HS3ST3B1: variants seen among roughly 807,000 people sequenced by gnomAD.
HS3ST3B1 encodes heparan sulfate glucosamine 3-O-sulfotransferase 3B1.
HS3ST3B1 carries 13 observed loss-of-function variants against 21.3 expected under a neutral mutation model. The ratio of observed to expected loss-of-function variants is 0.61; its 90% CI spans 0.40 to 0.97. The LOEUF is 0.97. Among genes scored for constraint, HS3ST3B1 ranks in the 50% least tolerant of loss-of-function variants. The pLI is 0.00. For missense variants in HS3ST3B1, 459 were observed against 554.8 expected, an observed-to-expected ratio of 0.83 and a Z score of 1.73; for synonymous variants, 234 against 254.8, an observed-to-expected ratio of 0.92 and a Z score of 0.78.
chr17:14,335,115 T>C (rs928378326), intron 1 of HS3ST3B1, among the ~76,000 whole-genome samples: 2 of 152,196 alleles, frequency 1.3e-5, no homozygotes, highest in African/African-American at 4.8e-5. Flanking sequence ...GAGAATAGTT[T>C]ATCAGAATGG....
At chr17:14,331,315 C>T (rs1055311112) in intron 1 of HS3ST3B1, among the ~76,000 whole-genome samples, 2 of 152,008 alleles carry the variant, frequency 1.3e-5, no homozygotes, top group African/African-American at 4.8e-5. Flanking sequence ...CCCCCAGCCC[C>T]TTCCAGGAAC....
At position 14,316,132 on chromosome 17, in the gene HS3ST3B1, C is replaced by T. The variant is rs116738878; in HGVS notation, c.554+14060C>T. Reference sequence around the variant, plus strand: ...CCTGTGCTCCCGCTCTCTCTCCATCCACCTTTACCCCTTGGAGCAGGCTTC... The same window carrying T: ...CCTGTGCTCCCGCTCTCTCTCCATCTACCTTTACCCCTTGGAGCAGGCTTC... On this transcript the variant is annotated intron_variant, in intron 1 of 1. Coordinates refer to ENST00000360954, the MANE Select transcript of HS3ST3B1 (RefSeq NM_006041.3). Among the ~76,000 whole-genome samples, 515 of 152,250 alleles carry T rather than the reference C, an allele frequency of 3.4e-3. 7 individuals are homozygous for T. Among genetic ancestry groups the T allele is most frequent in the African/African-American group, 0.012 (490 of 41,556 alleles).
intron 1 of HS3ST3B1, among the ~76,000 whole-genome samples, chr17:14,309,534 C>G (rs1909240639): frequency 6.6e-6 from 1 of 152,218 alleles, no homozygotes; most frequent in African/African-American, 2.4e-5. Flanking sequence ...GAACCCCGCC[C>G]AGAGAGGCGG....
intron 1 of HS3ST3B1, among the ~76,000 whole-genome samples, chr17:14,339,396 A>C (rs959705410): frequency 8.3e-4 from 126 of 152,320 alleles, no homozygotes; most frequent in African/African-American, 2.9e-3. Context: ...AAAAAAATAC[A>C]GGAATCTATT....
intron 1 of HS3ST3B1, among the ~76,000 whole-genome samples, chr17:14,318,722 T>C (rs1597591832): frequency 6.6e-6 from 1 of 152,226 alleles, no homozygotes; most frequent in Non-Finnish European, 1.5e-5. Flanking sequence ...GGTGGCTCCC[T>C]GCCCTGACTG....
Position 14,318,410 on chromosome 17 carries a change from C to A in HS3ST3B1, c.554+16338C>A, listed in dbSNP as rs564215886. Among the ~76,000 whole-genome samples the A allele has an allele frequency of 7.2e-5, 11 of 152,316 alleles. No individual in the cohort carries two copies. The East Asian group carries it at 2.1e-3, about 29-fold the overall frequency. On this transcript the variant is annotated intron_variant, in intron 1 of 1. Transcript: ENST00000360954. Reference sequence around the variant, plus strand: ...ACCAGGCAGGGTTGGGGCAAACCTTCGCCCTCTGTCTCAGAATTGCAAGCA... The same window carrying A: ...ACCAGGCAGGGTTGGGGCAAACCTTAGCCCTCTGTCTCAGAATTGCAAGCA...
At position 14,346,269 on chromosome 17, in the gene HS3ST3B1, T is replaced by TTTTG; in HGVS notation, c.*623_*624insTTTG. 7.0e-6 allele frequency: 1 copy of TTTTG among 142,846 alleles called. No individual in the cohort carries two copies. Among genetic ancestry groups the TTTTG allele is most frequent in the East Asian group, 2.3e-4 (1 of 4,320 alleles). 8.8% of individuals were successfully genotyped at this position (142,846 alleles called of 1,614,324 possible). On this transcript the variant is annotated 3_prime_UTR_variant, in exon 2 of 2. Coordinates refer to ENST00000360954, the MANE Select transcript of HS3ST3B1 (RefSeq NM_006041.3). ...TTTCTTTTTTTTTTTTTTTTTTTTT[T>TTTTG]GAGATGGAGTCTTGCTCTTGTTGCC...
chr17:14,342,748 G>C (rs1910427235), intron 1 of HS3ST3B1, among the ~76,000 whole-genome samples: 1 of 152,150 alleles, frequency 6.6e-6, no homozygotes, highest in Admixed American at 6.5e-5. Flanking sequence ...CTTATAAGTG[G>C]TAGAGCCAGA....
chr17:14,312,237 A>G (rs181710943), intron 1 of HS3ST3B1, among the ~76,000 whole-genome samples: 2 of 152,244 alleles, frequency 1.3e-5, no homozygotes, highest in African/African-American at 2.4e-5. Context: ...ACGGAAACTC[A>G]CAGAGATTGC....
intron 1 of HS3ST3B1, among the ~76,000 whole-genome samples, chr17:14,338,738 C>G (rs1220331653): frequency 6.6e-6 from 1 of 152,136 alleles, no homozygotes; most frequent in Non-Finnish European, 1.5e-5. Context: ...CCAGCACACC[C>G]AGCCTGGCTT....
Position 14,345,337 on chromosome 17 carries a change from C to T in HS3ST3B1, c.864C>T (p.Pro288=), listed in dbSNP as rs1910524799. The change falls in exon 2 of 2, where the codon CCC becomes CCT. Residue 288 remains proline, a synonymous_variant. Coordinates refer to ENST00000360954, the MANE Select transcript of HS3ST3B1 (RefSeq NM_006041.3). ...TGGAGCACTGGCTGCGCCACTTCCC[C>T]ATCCGCCAGATGCTCTTCGTGAGCG... is the stretch of plus-strand genomic sequence containing the variant. The part of the protein sequence containing the change: ...KHLEHWLRHF[P]IRQMLFVSGE... 9.2e-7 allele frequency: 1 copy of T among 1,086,102 alleles called. No individual in the cohort carries two copies. The highest frequency in any genetic ancestry group is 1.5e-5 in the African/African-American group (1 of 65,672). The allele number at this position is 1,086,102 out of a possible 1,614,324, so 67.3% of individuals were successfully genotyped here. A position where few individuals can be genotyped will look rare whatever the true frequency, so the allele number is the denominator to read the frequency against.
At chr17:14,302,157 C>A in intron 1 of HS3ST3B1, 85 bp downstream of exon 1, 2 of 1,452,040 alleles carry the variant, frequency 1.4e-6, no homozygotes, top group Non-Finnish European at 1.8e-6. Flanking sequence ...AGGGAATTGG[C>A]AGGGTTACAG....
chr17:14,336,017 A>G (rs1490197392), intron 1 of HS3ST3B1, among the ~76,000 whole-genome samples: 16 of 152,240 alleles, frequency 1.1e-4, no homozygotes, highest in Admixed American at 9.2e-4. Flanking sequence ...GTTGGAGTTC[A>G]GAAAACGTGG....
In HS3ST3B1 at chr17:14,349,331, A is replaced by T. The variant is rs921043208; in HGVS notation, c.*3685A>T. The T allele has an allele frequency of 6.6e-6, 1 of 152,262 alleles. No homozygotes were observed. Among genetic ancestry groups the T allele is most frequent in the East Asian group, 1.9e-4 (1 of 5,204 alleles). 9.4% of individuals were successfully genotyped at this position (152,262 alleles called of 1,614,324 possible). ...ACAAATTAATTTTACACAGAGAAAG[A>T]TGTTTCTAGGCAAGTGAAATTCTGG... is the stretch of plus-strand genomic sequence containing the variant. On this transcript the variant is annotated 3_prime_UTR_variant, in exon 2 of 2. Coordinates refer to ENST00000360954, the MANE Select transcript of HS3ST3B1 (RefSeq NM_006041.3).
At chr17:14,323,186 G>T (rs766777449) in intron 1 of HS3ST3B1, among the ~76,000 whole-genome samples, 1 of 152,044 alleles carries the variant, frequency 6.6e-6, no homozygotes, top group Admixed American at 6.5e-5. Context: ...GATTACAGGC[G>T]TGAGCCACCG....
In HS3ST3B1 at chr17:14,345,196, G is replaced by T; in HGVS notation, c.723G>T (p.Thr241=). 1 of 1,529,354 alleles carries T rather than the reference G, an allele frequency of 6.5e-7. No individual in the cohort carries two copies. The highest frequency in any genetic ancestry group is 9.0e-7 in the Non-Finnish European group (1 of 1,115,752). 94.7% of individuals were successfully genotyped at this position (1,529,354 alleles called of 1,614,324 possible). The stretch of plus-strand genomic sequence containing the variant: ...GGGCCATCTCGGACTACACGCAGAC[G>T]CTGTCCAAGCGGCCCGACATCCCCA... ...VTRAISDYTQ[T]LSKRPDIPTF... The change falls in exon 2 of 2, where the codon ACG becomes ACT. Residue 241 remains threonine, a synonymous_variant. Transcript: ENST00000360954.
chr17:14,317,214 G>A (rs750618618), intron 1 of HS3ST3B1, among the ~76,000 whole-genome samples: 3 of 152,122 alleles, frequency 2.0e-5, no homozygotes, highest in Admixed American at 6.5e-5. Flanking sequence ...CTTTCTGTGC[G>A]GCCTTGTGAA....
At chr17:14,309,421 C>A (rs1463496117) in intron 1 of HS3ST3B1, among the ~76,000 whole-genome samples, 1 of 152,230 alleles carries the variant, frequency 6.6e-6, no homozygotes, top group East Asian at 1.9e-4. Context: ...CTGAGCCTGG[C>A]TGAGCGGCCC....
chr17:14,331,305 C>T (rs368255486), intron 1 of HS3ST3B1, among the ~76,000 whole-genome samples: 1 of 151,772 alleles, frequency 6.6e-6, no homozygotes. Context: ...TCCACCCCCA[C>T]CCCCAGCCCC....
Sources: allele counts gnomAD v4.1 joint callset (sites outside exome capture counted in the v4.1 genomes callset), GRCh38; gene constraint gnomAD v4.1.1; transcripts MANE v1.5; gene names NCBI Gene and HGNC (gene_info 2026-07-23, HGNC 2026-07-21).